ZFYVE26: variants seen among roughly 807,000 people sequenced by gnomAD.
The protein encoded by ZFYVE26 is zinc finger FYVE-type containing 26.
A neutral mutation model predicts 276.5 loss-of-function variants in ZFYVE26; 181 were observed. That is an observed-to-expected ratio of 0.65 (90% CI 0.58 to 0.74). The LOEUF (loss-of-function observed/expected upper bound fraction) is 0.74. ZFYVE26 is among the 30% of genes least tolerant of loss of function. The probability of loss-of-function intolerance (pLI) is 0.00; values close to 1 mark genes in which losing one functional copy is unlikely to be tolerated. For missense variants in ZFYVE26, 2,821 were observed against 3,097.9 expected, an observed-to-expected ratio of 0.91 and a Z score of 2.12; for synonymous variants, 1,129 against 1,203.1, an observed-to-expected ratio of 0.94 and a Z score of 1.27.
At chr14:67,749,920 T>C (rs1307280808) in intron 41 of ZFYVE26, among the ~76,000 whole-genome samples, 1 of 152,218 alleles carries the variant, frequency 6.6e-6, no homozygotes, top group Non-Finnish European at 1.5e-5. Context: ...ATGAAGTTGT[T>C]TTTTGGCAAG....
Position 67,756,119 on chromosome 14 carries a change from T to G in ZFYVE26, c.6615A>C (p.Glu2205Asp). The G allele has an allele frequency of 6.2e-7, 1 of 1,614,146 alleles. No individual in the cohort carries two copies. The highest frequency in any genetic ancestry group is 8.5e-7 in the Non-Finnish European group (1 of 1,180,010). Residue 2205 changes from glutamate to aspartate, a missense_variant, in exon 36 of 42, where the codon GAA (glutamate) becomes GAC (aspartate). Physicochemically the swap from Glu to Asp is conservative, Grantham distance 45 (BLOSUM62 2). Transcript: ENST00000347230. ...NKESPPEVFIEGIFQPSYKSG... is the reference protein window; with the variant it reads ...NKESPPEVFIDGIFQPSYKSG... Reference sequence around the variant, plus strand: ...TTTTATAGCTTGGTTGGAAAATGCCTTCTATAAAAACTTCTGGAGGACTCT... The same window carrying G: ...TTTTATAGCTTGGTTGGAAAATGCCGTCTATAAAAACTTCTGGAGGACTCT...
chr14:67,776,121 GA>G lies in ZFYVE26; in HGVS notation c.4975-16del. On this transcript the variant is annotated splice_polypyrimidine_tract_variant and intron_variant, in intron 25 of 41. Coordinates refer to ENST00000347230, the MANE Select transcript of ZFYVE26 (RefSeq NM_015346.4). ...GTCAGCAGAATCTGTTTGTGGGGTA[GA>G]TCCATAGAGTAAAGAAAATAGTACA... is the stretch of plus-strand genomic sequence containing the variant. The G allele has an allele frequency of 6.2e-7, 1 of 1,613,812 alleles. No homozygotes were observed.
intron 13 of ZFYVE26, chr14:67,734,019 G>A (rs1412132516): frequency 1.7e-6 from 1 of 578,832 alleles, no homozygotes; most frequent in Non-Finnish European, 3.2e-6. Context: ...ACACTCTTGT[G>A]AGACTGGCTT....
At chr14:67,788,327 T>TGCAGTGA (rs2039709912) in intron 16 of ZFYVE26, among the ~76,000 whole-genome samples, 1 of 152,166 alleles carries the variant, frequency 6.6e-6, no homozygotes. Context: ...AGGTGGAAGT[T>TGCAGTGA]GCAGTGAGCA....
At position 67,777,547 on chromosome 14, in the gene ZFYVE26, G is replaced by A. The variant is rs200969714; in HGVS notation, c.4974+12C>T. ...CCACATACAGCGCCTGGATTTCACGGTGTATCCTTACCTTGGATCCCACAT... is the reference window on the plus strand; with the variant it reads ...CCACATACAGCGCCTGGATTTCACGATGTATCCTTACCTTGGATCCCACAT... On this transcript the variant is annotated intron_variant, in intron 25 of 41. Coordinates refer to ENST00000347230, the MANE Select transcript of ZFYVE26 (RefSeq NM_015346.4). 201 of 1,613,244 alleles carry A rather than the reference G, an allele frequency of 1.2e-4. No homozygotes were observed. The highest frequency in any genetic ancestry group is 3.8e-4 in the East Asian group (17 of 44,844).
At chr14:67,762,886 G>C in intron 32 of ZFYVE26, 67 bp from the exon 33 acceptor site, 4 of 1,595,320 alleles carry the variant, frequency 2.5e-6, no homozygotes, top group Non-Finnish European at 3.4e-6. Flanking sequence ...CCGCTTAAAG[G>C]TTTCCTATTC....
rs944537571 is a variant in ZFYVE26 at position 67,748,292 on chromosome 14, G to A, written c.*144C>T. The A allele has an allele frequency of 6.5e-5, 58 of 891,010 alleles. No homozygotes were observed. The African/African-American group carries it at 7.2e-4, about 11-fold the overall frequency. 55.2% of individuals were successfully genotyped at this position (891,010 alleles called of 1,614,324 possible). A position where few individuals can be genotyped will look rare whatever the true frequency, so the allele number is the denominator to read the frequency against. ...AAAGGTCCTATCCTTGCCCGGGAAG[G>A]CAAGTAGGGTCCAATCCAACTCTTT... is the stretch of plus-strand genomic sequence containing the variant. On this transcript the variant is annotated 3_prime_UTR_variant, in exon 42 of 42. Coordinates refer to ENST00000347230, the MANE Select transcript of ZFYVE26 (RefSeq NM_015346.4).
chr14:67,806,491 A>G (rs980020952), intron 6 of ZFYVE26, 54 bp downstream of exon 6: 2 of 1,609,802 alleles, frequency 1.2e-6, no homozygotes, highest in African/African-American at 2.7e-5. Flanking sequence ...GGAATGAAAA[A>G]GTCTGGGGAG....
rs768978705 is a variant in ZFYVE26, at chr14:67,768,556, CAG to C, written c.5622-10_5622-9del. On this transcript the variant is annotated splice_polypyrimidine_tract_variant and intron_variant, in intron 29 of 41. Transcript: ENST00000347230. ...GAAGGCTCCTCTGGTACACTGAAAACAGAGAAAGAAAAATTATTAAATAAATG... is the reference window on the plus strand; with the variant it reads ...GAAGGCTCCTCTGGTACACTGAAAACAGAAAGAAAAATTATTAAATAAATG... 8.7e-6 allele frequency: 14 copies of C among 1,614,034 alleles called. No individual in the cohort carries two copies. The highest frequency in any genetic ancestry group is 3.3e-4 in the Middle Eastern group (2 of 6,060).
chr14:67,814,125 T>G, intron 2 of ZFYVE26, 61 bp from the exon 3 acceptor site: 1 of 1,378,758 alleles, frequency 7.3e-7, no homozygotes, highest in Non-Finnish European at 1.0e-6. Flanking sequence ...TCATCTTTTG[T>G]CATCCAAGAC....
chr14:67,757,624 T>C lies in ZFYVE26; in HGVS notation c.6589-1479A>G, dbSNP rs543331668. Reference sequence around the variant, plus strand: ...ATGTTTACTATCTCTCTTCCTACTATGGGGCAGATATTTTTGTCTTTCTTT... The same window carrying C: ...ATGTTTACTATCTCTCTTCCTACTACGGGGCAGATATTTTTGTCTTTCTTT... On this transcript the variant is annotated intron_variant, in intron 35 of 41. Coordinates refer to ENST00000347230, the MANE Select transcript of ZFYVE26 (RefSeq NM_015346.4). Among the ~76,000 whole-genome samples the C allele has an allele frequency of 8.6e-5, 13 of 151,654 alleles. No homozygotes were observed. The East Asian group carries it at 2.2e-3, about 25-fold the overall frequency.
In ZFYVE26 at chr14:67,748,210, A is replaced by G; in HGVS notation, c.*226T>C. 5.1e-6 allele frequency: 3 copies of G among 589,460 alleles called. No individual in the cohort carries two copies. The South Asian group carries it at 6.1e-5, about 12-fold the overall frequency. The allele number at this position is 589,460 out of a possible 1,614,324, so 36.5% of individuals were successfully genotyped here. On this transcript the variant is annotated 3_prime_UTR_variant, in exon 42 of 42. Transcript: ENST00000347230. ...CACTCTGAGGTAGAAAGAACTGGCC[A>G]TCTCCAGACAAACACACATAGATTC...
chr14:67,784,423 G>A lies in ZFYVE26; in HGVS notation c.3537C>T (p.Val1179=), dbSNP rs1233587153. 1 of 1,614,070 alleles carries A rather than the reference G, an allele frequency of 6.2e-7. No individual in the cohort carries two copies. The highest frequency in any genetic ancestry group is 1.1e-5 in the South Asian group (1 of 91,066). The change falls in exon 20 of 42, where the codon GTC becomes GTT. Residue 1179 remains valine (V), a synonymous_variant. Transcript: ENST00000347230. Reference sequence around the variant, plus strand: ...GCAGAACAAAGGGATTTCCTACCTTGACCTCCACATGATCTGCAAAGGTAA... The same window carrying A: ...GCAGAACAAAGGGATTTCCTACCTTAACCTCCACATGATCTGCAAAGGTAA... The part of the protein sequence containing the change: ...SLSSEPDHVE[V]KVGNPFVLLQ...
chr14:67,767,566 GATTTA>G, intron 31 of ZFYVE26, 133 bp downstream of exon 31: 2 of 1,174,314 alleles, frequency 1.7e-6, no homozygotes, highest in Non-Finnish European at 2.5e-6. Flanking sequence ...TGCCTTAATG[GATTTA>G]CTGGTTTAGC....
chr14:67,816,105 G>T, intron 1 of ZFYVE26, 59 bp from the exon 2 acceptor site: 1 of 656,006 alleles, frequency 1.5e-6, no homozygotes, highest in Non-Finnish European at 2.6e-6. Context: ...AGACAAAGCA[G>T]CAACTACTGG....
intron 19 of ZFYVE26, 129 bp from the exon 20 acceptor site, chr14:67,784,565 A>C (rs1744174712): frequency 2.4e-6 from 2 of 817,082 alleles, no homozygotes; most frequent in Non-Finnish European, 4.2e-6. Context: ...CTGTTAATTC[A>C]TTCTAGGTAA....
chr14:67,766,315 G>A lies in ZFYVE26; in HGVS notation c.5923C>T (p.Leu1975Phe). ...AGCAGCTGCTTCATGATGTCCGTGA[G>A]CAGCCCGGCATCCACCTCTGGGTTG... is the stretch of plus-strand genomic sequence containing the variant. ...LTNPEVDAGL[L>F]TDIMKQLLFS... The change falls in exon 32 of 42, where the codon CTC becomes TTC. Residue 1975 changes from leucine (L) to phenylalanine (F), a missense_variant. Coordinates refer to ENST00000347230, the MANE Select transcript of ZFYVE26 (RefSeq NM_015346.4). 6.2e-7 allele frequency: 1 copy of A among 1,613,642 alleles called. No individual in the cohort carries two copies. The highest frequency in any genetic ancestry group is 8.5e-7 in the Non-Finnish European group (1 of 1,180,040).
At chr14:67,808,218 C>G (rs546838864) in intron 4 of ZFYVE26, among the ~76,000 whole-genome samples, 37 of 152,262 alleles carry the variant, frequency 2.4e-4, no homozygotes, top group South Asian at 1.7e-3. Context: ...TCCAGCTAGT[C>G]CCACCTCACT....
chr14:67,798,617 C>T lies in ZFYVE26; in HGVS notation c.1645G>A (p.Ala549Thr), dbSNP rs1453483451. 1.2e-6 allele frequency: 2 copies of T among 1,613,812 alleles called. No individual in the cohort carries two copies. The highest frequency in any genetic ancestry group is 1.1e-5 in the South Asian group (1 of 91,076). ...GCCAGGTAAGTTGAGAAGAGATTTG[C>T]AGCACCTACAAAAACATGTACAAGA... The part of the protein sequence containing the change: ...ANDSLSSPGA[A>T]NLFSTYLARC... The change falls in exon 11 of 42, where the codon GCA (alanine) becomes ACA (threonine). Residue 549 changes from alanine (A) to threonine (T), a missense_variant. Ala to Thr is a moderately conservative substitution (Grantham distance 58, BLOSUM62 0). Coordinates refer to ENST00000347230, the MANE Select transcript of ZFYVE26 (RefSeq NM_015346.4).
Sources: gnomAD v4.1 joint callset for allele counts (sites outside exome capture counted in the v4.1 genomes callset) on GRCh38, gnomAD v4.1.1 for gene constraint, MANE v1.5 for transcripts, NCBI Gene and HGNC (gene_info 2026-07-23, HGNC 2026-07-21) for gene names.